The following FOXK2 variants were observed in gnomAD, a reference collection of about 807,000 sequenced individuals.
FOXK2 encodes the protein forkhead box K2.
In FOXK2, 24 loss-of-function variants were observed where a neutral mutation model predicts 53.3. That is an observed-to-expected ratio of 0.45 (90% CI 0.33 to 0.63). The LOEUF (loss-of-function observed/expected upper bound fraction) is 0.63. Among genes scored for constraint, FOXK2 ranks in the 30% least tolerant of loss-of-function variants. The pLI is 0.03. For missense variants in FOXK2, 952 were observed against 910.5 expected (o/e 1.05, Z -0.59); for synonymous variants, 505 against 407.1 (o/e 1.24, Z -2.89).
At chr17:82,546,103 A>G (rs572132649) in intron 1 of FOXK2, among the ~76,000 whole-genome samples, 1 of 146,368 alleles carries the variant, frequency 6.8e-6, no homozygotes, top group Admixed American at 7.0e-5. Flanking sequence ...ACTTGCTACC[A>G]AGCATGGTTG....
chr17:82,544,389 G>A (rs181652796), intron 1 of FOXK2, among the ~76,000 whole-genome samples: 9 of 152,138 alleles, frequency 5.9e-5, no homozygotes, highest in Admixed American at 2.0e-4. Flanking sequence ...AATATTTGTG[G>A]AGAAAGTCCT....
At chr17:82,536,191 A>C (rs2044519040) in intron 1 of FOXK2, among the ~76,000 whole-genome samples, 1 of 152,036 alleles carries the variant, frequency 6.6e-6, no homozygotes, top group South Asian at 2.1e-4. Flanking sequence ...GTTTTTATTT[A>C]AGTTTTTGAG....
chr17:82,525,965 G>GTGGCCTGAATCCCACACTTTCTTATA (rs2044414604), intron 1 of FOXK2, among the ~76,000 whole-genome samples: 4 of 152,034 alleles, frequency 2.6e-5, no homozygotes, highest in Non-Finnish European at 5.9e-5. Context: ...ACTTTCTTAT[G>GTGGCCTGAATCCCACACTTTCTTATA]TGGCCTGAAT....
At chr17:82,521,068 T>G (rs2144031507) in intron 1 of FOXK2, among the ~76,000 whole-genome samples, 2 of 152,352 alleles carry the variant, frequency 1.3e-5, no homozygotes, top group South Asian at 2.1e-4. Flanking sequence ...TATCGTTTAC[T>G]CTGCTTGAAA....
chr17:82,579,165 T>C (rs547603927), intron 4 of FOXK2, among the ~76,000 whole-genome samples: 7 of 152,188 alleles, frequency 4.6e-5, no homozygotes, highest in Non-Finnish European at 1.0e-4. Flanking sequence ...GAGGGTTTTA[T>C]ATTACCATCG....
At chr17:82,588,124 C>G (rs1191844803) in intron 8 of FOXK2, 1 of 152,334 alleles carries the variant, frequency 6.6e-6, no homozygotes, top group East Asian at 1.9e-4. Flanking sequence ...CTGCCTCTCC[C>G]CAAATTTATG....
chr17:82,601,524 G>T lies in FOXK2; in HGVS notation c.*25G>T, dbSNP rs369200935. On this transcript the variant is annotated 3_prime_UTR_variant, in exon 9 of 9. Transcript: ENST00000335255. ...GCGACCGGGAGAGCTTTTCTTTAAC[G>T]ATATCAACTCTGTGGTGCCAAAAGG... The T allele has an allele frequency of 6.3e-7, 1 of 1,581,590 alleles. No homozygotes were observed. The highest frequency in any genetic ancestry group is 1.7e-5 in the Admixed American group (1 of 58,560).
chr17:82,528,820 G>T (rs2044444064), intron 1 of FOXK2, among the ~76,000 whole-genome samples: 1 of 152,218 alleles, frequency 6.6e-6, no homozygotes, highest in Non-Finnish European at 1.5e-5. Context: ...ACAGTATTTG[G>T]TTTTTGCTGC....
chr17:82,538,695 C>G lies in FOXK2; in HGVS notation c.419+18388C>G, dbSNP rs2144067346. The stretch of plus-strand genomic sequence containing the variant: ...TTATAGGGAATGAAAAAGAACCCCA[C>G]CAAACTTAGGATGCATCTTTCCAGC... On this transcript the variant is annotated intron_variant, in intron 1 of 8. Transcript: ENST00000335255. Among the ~76,000 whole-genome samples, 2 of 152,270 alleles carry G rather than the reference C, an allele frequency of 1.3e-5. 1 individual carries two copies.
intron 4 of FOXK2, among the ~76,000 whole-genome samples, chr17:82,574,551 C>G (rs1013658007): frequency 2.0e-5 from 3 of 152,148 alleles, no homozygotes; most frequent in Non-Finnish European, 4.4e-5. Flanking sequence ...AACTCCCGAC[C>G]TCGGGTGATC....
intron 1 of FOXK2, among the ~76,000 whole-genome samples, chr17:82,550,482 C>T (rs1161641235): frequency 1.3e-5 from 2 of 150,646 alleles, no homozygotes; most frequent in Non-Finnish European, 2.9e-5. Context: ...AAACTCCATG[C>T]CTGGCCCTTC....
intron 1 of FOXK2, among the ~76,000 whole-genome samples, chr17:82,532,352 C>T (rs2044480153): frequency 6.6e-6 from 1 of 152,054 alleles, no homozygotes; most frequent in African/African-American, 2.4e-5. Context: ...CCATGTTGGC[C>T]AGGCTGGTCT....
intron 8 of FOXK2, among the ~76,000 whole-genome samples, chr17:82,587,723 C>T (rs539223822): frequency 3.2e-4 from 48 of 152,322 alleles, no homozygotes; most frequent in African/African-American, 1.1e-3. Context: ...CACGGATGTT[C>T]TGACATTGAC....
chr17:82,547,695 T>C (rs1281059779), intron 1 of FOXK2, among the ~76,000 whole-genome samples: 1 of 152,198 alleles, frequency 6.6e-6, no homozygotes, highest in Admixed American at 6.5e-5. Flanking sequence ...GACAGCTGTA[T>C]ACACCATGTA....
intron 1 of FOXK2, among the ~76,000 whole-genome samples, chr17:82,531,202 C>G (rs1378040617): frequency 6.6e-6 from 1 of 152,122 alleles, no homozygotes; most frequent in African/African-American, 2.4e-5. Context: ...CCTGGGTGAC[C>G]TCCTCCAGGA....
rs563630317 is a variant in FOXK2 at position 82,586,710 on chromosome 17, T to C, written c.1577-353T>C. On this transcript the variant is annotated intron_variant, in intron 7 of 8. Coordinates refer to ENST00000335255, the MANE Select transcript of FOXK2 (RefSeq NM_004514.4). ...TGAGGTTAGGAGTTGGAGACCAGCC[T>C]GACCAACACGGAGAAACCCTGTCTC... 1.4e-4 allele frequency among the ~76,000 whole-genome samples: 21 copies of C among 152,216 alleles called. No individual in the cohort carries two copies. In the South Asian group the frequency reaches 3.9e-3, roughly 29 times the overall value.
chr17:82,549,815 C>T (rs186894256), intron 1 of FOXK2, among the ~76,000 whole-genome samples: 3 of 152,300 alleles, frequency 2.0e-5, no homozygotes, highest in Non-Finnish European at 4.4e-5. Flanking sequence ...TGAGGACATC[C>T]GCCATTTCCT....
intron 1 of FOXK2, among the ~76,000 whole-genome samples, chr17:82,556,087 C>T (rs112391538): frequency 0.025 from 3,809 of 152,032 alleles, 79 homozygotes; most frequent in South Asian, 0.042. Flanking sequence ...GTGTATCGTG[C>T]GTATGCAACT....
intron 4 of FOXK2, among the ~76,000 whole-genome samples, chr17:82,581,973 T>A (rs1388620802): frequency 1.3e-5 from 2 of 152,168 alleles, no homozygotes; most frequent in Non-Finnish European, 2.9e-5. Flanking sequence ...AACAGGTACT[T>A]TGCCAAGTCC....
Sources: allele counts gnomAD v4.1 joint callset (sites outside exome capture counted in the v4.1 genomes callset), GRCh38; gene constraint gnomAD v4.1.1; transcripts MANE v1.5; gene names NCBI Gene and HGNC (gene_info 2026-07-23, HGNC 2026-07-21).